HMGA2: variants seen among roughly 807,000 people sequenced by gnomAD.
HMGA2 encodes high mobility group AT-hook 2.
HMGA2 carries 8 observed loss-of-function variants against 19.1 expected under a neutral mutation model. The ratio of observed to expected loss-of-function variants is 0.42; its 90% CI spans 0.25 to 0.76. The LOEUF (loss-of-function observed/expected upper bound fraction) is 0.76, where lower values mean the gene tolerates loss of function less well. Among genes scored for constraint, HMGA2 ranks in the 30% least tolerant of loss-of-function variants. The probability of loss-of-function intolerance (pLI) is 0.28; values close to 1 mark genes in which losing one functional copy is unlikely to be tolerated. For missense variants in HMGA2, 109 were observed against 136.3 expected, an observed-to-expected ratio of 0.80 and a Z score of 1.00; for synonymous variants, 60 against 48.8, an observed-to-expected ratio of 1.23 and a Z score of -0.96.
chr12:65,943,382 A>T (rs1294959004), intron 3 of HMGA2, among the ~76,000 whole-genome samples: 2 of 152,134 alleles, frequency 1.3e-5, no homozygotes, highest in African/African-American at 4.8e-5. Flanking sequence ...CCAAAGTATC[A>T]GCCCCCCAGT....
chr12:65,824,646 A>G lies in HMGA2; in HGVS notation c.-625A>G. On this transcript the variant is annotated 5_prime_UTR_variant, in exon 1 of 5. Coordinates refer to ENST00000403681, the MANE Select transcript of HMGA2 (RefSeq NM_003483.6). ...CTGCCTGTGCTCCGTGCCCGACCCT[A>G]TCCCGGCGGAGTCTCCCCATCCTCC... 4.7e-6 allele frequency: 1 copy of G among 214,714 alleles called. No individual in the cohort carries two copies. The highest frequency in any genetic ancestry group is 9.1e-6 in the Non-Finnish European group (1 of 109,942). 13.3% of individuals were successfully genotyped at this position (214,714 alleles called of 1,614,324 possible).
intron 3 of HMGA2, among the ~76,000 whole-genome samples, chr12:65,874,647 C>G (rs1262920000): frequency 6.6e-6 from 1 of 152,116 alleles, no homozygotes; most frequent in Non-Finnish European, 1.5e-5. Flanking sequence ...GCTTGCTACC[C>G]TGATTTACCC....
chr12:65,874,454 C>T (rs1398618592), intron 3 of HMGA2, among the ~76,000 whole-genome samples: 1 of 152,098 alleles, frequency 6.6e-6, no homozygotes, highest in East Asian at 1.9e-4. Flanking sequence ...GAATTACGCT[C>T]ATACAACAAA....
intron 1 of HMGA2, among the ~76,000 whole-genome samples, chr12:65,827,436 G>T (rs1297837306): frequency 6.6e-6 from 1 of 152,192 alleles, no homozygotes; most frequent in Non-Finnish European, 1.5e-5. Flanking sequence ...TAGGGGGAAT[G>T]GAGTTATTTT....
chr12:65,857,680 C>T (rs1871811412), intron 3 of HMGA2: 2 of 152,136 alleles, frequency 1.3e-5, no homozygotes, highest in South Asian at 4.1e-4. Context: ...TTCCAAATAA[C>T]CTTTATTTGC....
chr12:65,868,074 T>A (rs1872520076), intron 3 of HMGA2, among the ~76,000 whole-genome samples: 1 of 152,212 alleles, frequency 6.6e-6, no homozygotes, highest in Non-Finnish European at 1.5e-5. Context: ...GCTTACAAAA[T>A]AATCTTTATG....
chr12:65,942,932 T>C (rs1876139101), intron 3 of HMGA2, among the ~76,000 whole-genome samples: 1 of 152,234 alleles, frequency 6.6e-6, no homozygotes, highest in Non-Finnish European at 1.5e-5. Flanking sequence ...AAATTTCTTC[T>C]GGAATTTTTT....
At chr12:65,878,478 G>A (rs1873175775) in intron 3 of HMGA2, among the ~76,000 whole-genome samples, 1 of 152,092 alleles carries the variant, frequency 6.6e-6, no homozygotes, top group Admixed American at 6.5e-5. Context: ...TTTTTCTTTT[G>A]GGTCATCTAC....
chr12:65,941,627 CA>C (rs1205911639), intron 3 of HMGA2, among the ~76,000 whole-genome samples: 1 of 152,130 alleles, frequency 6.6e-6, no homozygotes, highest in African/African-American at 2.4e-5. Context: ...TAAGAGATTA[CA>C]AATAAATGTA....
rs1429693403 is a variant in HMGA2, at chr12:65,825,238, G to A, written c.-33G>A. ...GCTCCGGGGCGGTCGAGGCGAAGCG[G>A]CTGCAGCGGCGGTAGCGGCGGCGGG... On this transcript the variant is annotated 5_prime_UTR_variant, in exon 1 of 5. Coordinates refer to ENST00000403681, the MANE Select transcript of HMGA2 (RefSeq NM_003483.6). This position sits in a 1 kb window ranked among gnomAD's most constrained non-coding sequence, Gnocchi z 4.4. 3 of 1,505,400 alleles carry A rather than the reference G, an allele frequency of 2.0e-6. No homozygotes were observed. Among genetic ancestry groups the A allele is most frequent in the East Asian group, 2.6e-5 (1 of 38,864 alleles). 93.3% of individuals were successfully genotyped at this position (1,505,400 alleles called of 1,614,324 possible). A position where few individuals can be genotyped will look rare whatever the true frequency, so the allele number is the denominator to read the frequency against.
At chr12:65,887,541 T>C (rs1273826052) in intron 3 of HMGA2, among the ~76,000 whole-genome samples, 2 of 151,956 alleles carry the variant, frequency 1.3e-5, no homozygotes, top group Non-Finnish European at 2.9e-5. Flanking sequence ...GCCAACACAG[T>C]GAAACTCCAT....
chr12:65,935,228 T>C (rs370109108), intron 3 of HMGA2: 2 of 152,240 alleles, frequency 1.3e-5, no homozygotes, highest in East Asian at 1.9e-4. Flanking sequence ...GGTTGAAAAA[T>C]TAGCTTAATT....
At chr12:65,904,786 ATTT>A (rs1202602160) in intron 3 of HMGA2, among the ~76,000 whole-genome samples, 1 of 152,044 alleles carries the variant, frequency 6.6e-6, no homozygotes, top group Non-Finnish European at 1.5e-5. Context: ...TAGAGTGAAA[ATTT>A]TTTTCACTTT....
chr12:65,866,813 AG>A (rs771906333), intron 3 of HMGA2: 1 of 456,804 alleles, frequency 2.2e-6, no homozygotes, highest in Non-Finnish European at 4.4e-6. Context: ...CCTGAGATGC[AG>A]CTGACATGTA....
At chr12:65,826,516 A>G (rs1014954789) in intron 1 of HMGA2, 3 of 152,240 alleles carry the variant, frequency 2.0e-5, no homozygotes, top group African/African-American at 7.2e-5. Context: ...AAATAATCCT[A>G]GAGTCCCAAA....
At chr12:65,956,022 C>G (rs940925668) in intron 4 of HMGA2, 1 of 152,086 alleles carries the variant, frequency 6.6e-6, no homozygotes, top group Non-Finnish European at 1.5e-5. Context: ...GGCTTTTAGT[C>G]TAGACATACA....
At chr12:65,917,388 A>G (rs1211014830) in intron 3 of HMGA2, among the ~76,000 whole-genome samples, 3 of 152,200 alleles carry the variant, frequency 2.0e-5, no homozygotes, top group Non-Finnish European at 1.5e-5. Context: ...GACAAAAGCT[A>G]GGACTGCAGA....
intron 4 of HMGA2, chr12:65,952,529 G>GA (rs1876492994): frequency 6.3e-6 from 9 of 1,423,108 alleles, no homozygotes; most frequent in South Asian, 4.8e-5. Context: ...GAGTTACCAT[G>GA]AAAAAAATCA....
At chr12:65,948,032 T>C (rs1876327286) in intron 3 of HMGA2, among the ~76,000 whole-genome samples, 1 of 152,174 alleles carries the variant, frequency 6.6e-6, no homozygotes. Context: ...CAGAGCATTA[T>C]ATCAGGGATT....
Sources: gnomAD v4.1 joint callset for allele counts (sites outside exome capture counted in the v4.1 genomes callset) on GRCh38, gnomAD v4.1.1 for gene constraint, Gnocchi (gnomAD v3.1) non-coding constraint, MANE v1.5 for transcripts, NCBI Gene and HGNC (gene_info 2026-07-23, HGNC 2026-07-21) for gene names.